HMGCS2: variants seen among roughly 807,000 people sequenced by gnomAD.
HMGCS2 encodes the protein hydroxymethylglutaryl-CoA synthase, mitochondrial.
A neutral mutation model predicts 57.4 loss-of-function variants in HMGCS2; 50 were observed. The ratio of observed to expected loss-of-function variants is 0.87; its 90% CI spans 0.69 to 1.10. The LOEUF (loss-of-function observed/expected upper bound fraction) is 1.10. Ranked by LOEUF, HMGCS2 falls within the 50% of genes least tolerant of loss-of-function variation. The pLI, the probability that HMGCS2 is intolerant of heterozygous loss-of-function variation, is 0.00. For missense variants in HMGCS2, 627 were observed against 636.5 expected (o/e 0.99, Z 0.16); for synonymous variants, 254 against 245.1 (o/e 1.04, Z -0.34).
At chr1:119,759,723 A>T in intron 3 of HMGCS2, 141 bp downstream of exon 3, 1 of 995,966 alleles carries the variant, frequency 1.0e-6, no homozygotes, top group Middle Eastern at 2.2e-4. Flanking sequence ...TCTGCTCCAT[A>T]GACCAGCCCT....
intron 2 of HMGCS2, 88 bp downstream of exon 2, chr1:119,764,084 G>T: frequency 8.9e-7 from 1 of 1,120,814 alleles, no homozygotes; most frequent in Non-Finnish European, 1.3e-6. Flanking sequence ...ACTAGATGAA[G>T]CCACCTGGGG....
rs1303628202 is a variant in HMGCS2 at position 119,764,443 on chromosome 1, G to A, written c.288C>T (p.Cys96=). Residue 96 remains cysteine (C), a synonymous_variant, in exon 2 of 10, where the codon TGC becomes TGT. Coordinates refer to ENST00000369406, the MANE Select transcript of HMGCS2 (RefSeq NM_005518.4). Reference sequence around the variant, plus strand: ...GGGAGTTGATGTCCTCTTGGACTGAGCAGAAGCCCATACGGGTCTGGCCCA... The same window carrying A: ...GGGAGTTGATGTCCTCTTGGACTGAACAGAAGCCCATACGGGTCTGGCCCA... The part of the protein sequence containing the change: ...VGLGQTRMGF[C]SVQEDINSLC... 1 of 1,613,738 alleles carries A rather than the reference G, an allele frequency of 6.2e-7. No homozygotes were observed. Among genetic ancestry groups the A allele is most frequent in the African/African-American group, 1.3e-5 (1 of 74,928 alleles).
At chr1:119,757,538 A>G in intron 4 of HMGCS2, 100 bp from the exon 5 acceptor site, 2 of 1,587,456 alleles carry the variant, frequency 1.3e-6, no homozygotes, top group Non-Finnish European at 1.7e-6. Context: ...CAGGCCTCCC[A>G]GGGAACTACT....
At chr1:119,761,752 G>A (rs978336538) in intron 2 of HMGCS2, among the ~76,000 whole-genome samples, 6 of 151,664 alleles carry the variant, frequency 4.0e-5, no homozygotes, top group Non-Finnish European at 8.8e-5. Context: ...GCAACAGATC[G>A]AGACTCTGTC....
At chr1:119,753,781 A>G (rs887256636) in intron 6 of HMGCS2, among the ~76,000 whole-genome samples, 2 of 151,872 alleles carry the variant, frequency 1.3e-5, no homozygotes, top group Admixed American at 6.5e-5. Context: ...TCAGGCTCCC[A>G]TGTTGATTGG....
Position 119,764,607 on chromosome 1 carries a change from C to T in HMGCS2, c.124G>A (p.Val42Ile), listed in dbSNP as rs375279621. 2 of 1,613,706 alleles carry T rather than the reference C, an allele frequency of 1.2e-6. No homozygotes were observed. The highest frequency in any genetic ancestry group is 1.7e-6 in the Non-Finnish European group (2 of 1,179,858). Residue 42 changes from valine (V) to isoleucine (I), a missense_variant, in exon 2 of 10, where the codon GTC becomes ATC. Transcript: ENST00000369406. The part of the protein sequence containing the change: ...AHQRFSTASA[V>I]PLAKTDTWPK... ...CAAGTATCTGTTTTGGCCAGGGGGA[C>T]AGCAGAGGCTGTAGAAAACCTGTGA...
rs1571042499 is a variant in HMGCS2 at position 119,764,438 on chromosome 1, A to G, written c.293T>C (p.Val98Ala). The G allele has an allele frequency of 6.2e-7, 1 of 1,614,106 alleles. No homozygotes were observed. The highest frequency in any genetic ancestry group is 8.5e-7 in the Non-Finnish European group (1 of 1,179,952). Residue 98 changes from valine (V) to alanine (A), a missense_variant, in exon 2 of 10, where the codon GTC becomes GCC. Val to Ala is a moderately conservative substitution (Grantham distance 64). Coordinates refer to ENST00000369406, the MANE Select transcript of HMGCS2 (RefSeq NM_005518.4). ...LGQTRMGFCS[V>A]QEDINSLCLT... ...GCACAGGGAGTTGATGTCCTCTTGG[A>G]CTGAGCAGAAGCCCATACGGGTCTG...
rs147220042 is a variant in HMGCS2, at chr1:119,767,306, C to T, written c.104+1435G>A. Among the ~76,000 whole-genome samples the T allele has an allele frequency of 5.6e-4, 85 of 152,244 alleles. No homozygotes were observed. The Middle Eastern group carries it at 0.02, about 37-fold the overall frequency. On this transcript the variant is annotated intron_variant, in intron 1 of 9. Transcript: ENST00000369406. ...TCAGTGGGTTGGAGGATCAGAGAAGCTTCGTGGAAGAGACCGCATTTGAGG... is the reference window on the plus strand; with the variant it reads ...TCAGTGGGTTGGAGGATCAGAGAAGTTTCGTGGAAGAGACCGCATTTGAGG...
At position 119,750,546 on chromosome 1, in the gene HMGCS2, T is replaced by C. The variant is rs2241868; in HGVS notation, c.*5+251A>G. On this transcript the variant is annotated intron_variant, in intron 9 of 9. Coordinates refer to ENST00000369406, the MANE Select transcript of HMGCS2 (RefSeq NM_005518.4). ...TGGTCTTTATGGTACAAATCCCCAC[T>C]TCTGATTAGTTTGAAAGCTGTGAAC... Among the ~76,000 whole-genome samples the C allele has an allele frequency of 0.083, 12,661 of 152,246 alleles. 717 individuals carry two copies. Among genetic ancestry groups the C allele is most frequent in the Admixed American group, 0.19 (2,884 of 15,292 alleles).
chr1:119,748,414 G>C lies in HMGCS2; in HGVS notation c.*433C>G, dbSNP rs1461912455. The C allele has an allele frequency of 1.3e-5, 2 of 152,192 alleles. No homozygotes were observed. The highest frequency in any genetic ancestry group is 2.4e-5 in the African/African-American group (1 of 41,424). The allele number at this position is 152,192 out of a possible 1,614,324, so 9.4% of individuals were successfully genotyped here. A position where few individuals can be genotyped will look rare whatever the true frequency, so the allele number is the denominator to read the frequency against. On this transcript the variant is annotated 3_prime_UTR_variant, in exon 10 of 10. Transcript: ENST00000369406. ...CTCTCTTTTTAATTGCTATATATTAGCTTAGAACAAGGTACAAAATTTGGA... is the reference window on the plus strand; with the variant it reads ...CTCTCTTTTTAATTGCTATATATTACCTTAGAACAAGGTACAAAATTTGGA...
chr1:119,757,924 GC>G (rs1337779131), intron 4 of HMGCS2, among the ~76,000 whole-genome samples: 6 of 152,212 alleles, frequency 3.9e-5, no homozygotes, highest in Non-Finnish European at 7.3e-5. Context: ...CCTTACATAT[GC>G]AAATAAGGAG....
At chr1:119,765,945 A>T (rs1396505925) in intron 1 of HMGCS2, among the ~76,000 whole-genome samples, 1 of 152,254 alleles carries the variant, frequency 6.6e-6, no homozygotes, top group Non-Finnish European at 1.5e-5. Flanking sequence ...CCAGTGAAAG[A>T]AGCAGACATT....
chr1:119,754,149 C>T (rs587665293), intron 6 of HMGCS2, among the ~76,000 whole-genome samples: 3 of 151,930 alleles, frequency 2.0e-5, no homozygotes, highest in Admixed American at 6.6e-5. Flanking sequence ...TTCTGCCTCC[C>T]GGGTTCAAGC....
At chr1:119,764,677 C>T (rs770929896) in intron 1 of HMGCS2, 51 bp from the exon 2 acceptor site, 1 of 1,316,650 alleles carries the variant, frequency 7.6e-7, no homozygotes, top group South Asian at 1.2e-5. Flanking sequence ...TAGACAATTT[C>T]CTCAAAAGAC....
chr1:119,755,411 C>T lies in HMGCS2; in HGVS notation c.1187+16G>A. On this transcript the variant is annotated intron_variant, in intron 6 of 9. Coordinates refer to ENST00000369406, the MANE Select transcript of HMGCS2 (RefSeq NM_005518.4). ...AGGGTGTGCATGGAGGACATGGAGCCAGATGCAGTACTCACTGGGACAGAA... is the reference window on the plus strand; with the variant it reads ...AGGGTGTGCATGGAGGACATGGAGCTAGATGCAGTACTCACTGGGACAGAA... 1 of 1,613,230 alleles carries T rather than the reference C, an allele frequency of 6.2e-7. No individual in the cohort carries two copies. The highest frequency in any genetic ancestry group is 8.5e-7 in the Non-Finnish European group (1 of 1,179,364).
At chr1:119,766,653 G>A (rs765877685) in intron 1 of HMGCS2, among the ~76,000 whole-genome samples, 3 of 152,150 alleles carry the variant, frequency 2.0e-5, no homozygotes, top group Non-Finnish European at 2.9e-5. Context: ...CCCAGTACCC[G>A]GGAGCTAATG....
rs142422448 is a variant in HMGCS2, at chr1:119,753,134, A to T, written c.1294+146T>A. 280 of 686,280 alleles carry T rather than the reference A, an allele frequency of 4.1e-4. 1 individual carries two copies. Among genetic ancestry groups the T allele is most frequent in the African/African-American group, 4.1e-3 (227 of 55,720 alleles). 42.5% of individuals were successfully genotyped at this position (686,280 alleles called of 1,614,324 possible). A position where few individuals can be genotyped will look rare whatever the true frequency, so the allele number is the denominator to read the frequency against. ...CACATAAATTAAACAAACTTACTCC[A>T]TGCTTAAATCCCTTCAGTGATTTAC... is the stretch of plus-strand genomic sequence containing the variant. On this transcript the variant is annotated intron_variant, in intron 7 of 9. Transcript: ENST00000369406.
chr1:119,750,331 G>A (rs1328139864), intron 9 of HMGCS2, among the ~76,000 whole-genome samples: 2 of 152,166 alleles, frequency 1.3e-5, no homozygotes, highest in African/African-American at 4.8e-5. Flanking sequence ...GATTTCTATA[G>A]GTTCAGGTTC....
At chr1:119,752,162 C>A (rs974938279) in intron 8 of HMGCS2, among the ~76,000 whole-genome samples, 2 of 152,154 alleles carry the variant, frequency 1.3e-5, no homozygotes, top group Non-Finnish European at 2.9e-5. Flanking sequence ...AAAGTTCAAC[C>A]ATTTTTCCAA....
Sources: gnomAD v4.1 joint callset for allele counts (sites outside exome capture counted in the v4.1 genomes callset) on GRCh38, gnomAD v4.1.1 for gene constraint, MANE v1.5 for transcripts, NCBI Gene and HGNC (gene_info 2026-07-23, HGNC 2026-07-21) for gene names.